Variants in CSRNP3 observed in about 807,000 individuals in gnomAD.
CSRNP3 encodes cysteine/serine-rich nuclear protein 3.
Under a neutral mutation model 48.0 loss-of-function variants are expected in CSRNP3, and 12 were observed. The observed-to-expected ratio is 0.25, with a 90% CI of 0.16 to 0.41. The LOEUF (loss-of-function observed/expected upper bound fraction) is 0.41. Among genes scored for constraint, CSRNP3 ranks in the 10% least tolerant of loss-of-function variants. CSRNP3 has a pLI of 1.00. For missense variants in CSRNP3, 580 were observed against 724.4 expected, an observed-to-expected ratio of 0.80 and a Z score of 2.29; for synonymous variants, 263 against 269.7, an observed-to-expected ratio of 0.98 and a Z score of 0.24.
At chr2:165,478,019 GAA>G in intron 1 of CSRNP3, among the ~76,000 whole-genome samples, 1 of 150,240 alleles carries the variant, frequency 6.7e-6, no homozygotes, top group East Asian at 2.0e-4. Flanking sequence ...AAGAAAGAAA[GAA>G]GAGAGAGAGG....
intron 2 of CSRNP3, among the ~76,000 whole-genome samples, chr2:165,516,407 A>G (rs1436055087): frequency 1.3e-5 from 2 of 152,168 alleles, no homozygotes; most frequent in Admixed American, 6.5e-5. Context: ...CAAGGTGACT[A>G]TAGTTAATGA....
intron 4 of CSRNP3, among the ~76,000 whole-genome samples, chr2:165,654,642 T>G (rs1188726514): frequency 6.6e-6 from 1 of 152,208 alleles, no homozygotes; most frequent in African/African-American, 2.4e-5. Flanking sequence ...ATTCTTTTTA[T>G]TTTTTGAGAT....
At chr2:165,543,677 A>G (rs1222278116) in intron 3 of CSRNP3, among the ~76,000 whole-genome samples, 1 of 152,128 alleles carries the variant, frequency 6.6e-6, no homozygotes, top group African/African-American at 2.4e-5. Flanking sequence ...TTTCATGGGC[A>G]CATACTAATA....
intron 3 of CSRNP3, among the ~76,000 whole-genome samples, chr2:165,576,807 GAATA>G (rs1254398318): frequency 6.6e-6 from 1 of 151,982 alleles, no homozygotes; most frequent in Admixed American, 6.6e-5. Flanking sequence ...AGAAGTAAAA[GAATA>G]AATAGAGTGA....
In CSRNP3 at chr2:165,542,965, C is replaced by A. The variant is rs149572201; in HGVS notation, c.-24+25004C>A. 3.9e-5 allele frequency among the ~76,000 whole-genome samples: 6 copies of A among 152,118 alleles called. No individual in the cohort carries two copies. The East Asian group carries it at 5.8e-4, about 15-fold the overall frequency. ...TGAGAATCTGTGGTTGCGTAAGTAG[C>A]AGTAGACTCTCATTCTCCTCTGAGA... On this transcript the variant is annotated intron_variant, in intron 3 of 6. Coordinates refer to ENST00000651982, the MANE Select transcript of CSRNP3 (RefSeq NM_001172173.2).
intron 1 of CSRNP3, among the ~76,000 whole-genome samples, chr2:165,493,174 G>A (rs148781640): frequency 3.3e-5 from 5 of 151,948 alleles, no homozygotes; most frequent in Non-Finnish European, 5.9e-5. Context: ...AGTGGCACAA[G>A]GAGGGTGGTC....
chr2:165,621,315 C>T (rs997467155), intron 4 of CSRNP3, among the ~76,000 whole-genome samples: 1 of 149,030 alleles, frequency 6.7e-6, no homozygotes, highest in African/African-American at 2.5e-5. Context: ...TTTGAAATAC[C>T]ACTGATGCCA....
intron 2 of CSRNP3, among the ~76,000 whole-genome samples, chr2:165,497,157 C>T (rs1020466277): frequency 6.6e-6 from 1 of 152,026 alleles, no homozygotes; most frequent in African/African-American, 2.4e-5. Flanking sequence ...CTCCACTCCA[C>T]CACCATTACT....
chr2:165,502,401 A>G (rs1684369752), intron 2 of CSRNP3, among the ~76,000 whole-genome samples: 1 of 151,976 alleles, frequency 6.6e-6, no homozygotes. Context: ...ATCTCTATAT[A>G]TTTTCACAAT....
chr2:165,515,668 A>G (rs1488174110), intron 2 of CSRNP3, among the ~76,000 whole-genome samples: 2 of 152,008 alleles, frequency 1.3e-5, no homozygotes, highest in Non-Finnish European at 2.9e-5. Context: ...AAGAAATTAC[A>G]TTTAATAAGG....
intron 3 of CSRNP3, among the ~76,000 whole-genome samples, chr2:165,584,484 T>C (rs569290713): frequency 6.6e-6 from 1 of 152,282 alleles, no homozygotes; most frequent in African/African-American, 2.4e-5. Flanking sequence ...TTATTTCCAT[T>C]ATGGGTGATG....
chr2:165,617,388 T>C (rs1008222364), intron 4 of CSRNP3, among the ~76,000 whole-genome samples: 7 of 152,242 alleles, frequency 4.6e-5, no homozygotes, highest in African/African-American at 1.4e-4. Context: ...GGGTGGGCAT[T>C]GTAGCCTAGT....
At position 165,682,545 on chromosome 2, in the gene CSRNP3, G is replaced by A. The variant is rs1291061497; in HGVS notation, c.*2792G>A. 6.6e-6 allele frequency: 1 copy of A among 152,068 alleles called. No individual in the cohort carries two copies. Among genetic ancestry groups the A allele is most frequent in the Admixed American group, 6.6e-5 (1 of 15,246 alleles). The allele number at this position is 152,068 out of a possible 1,614,324, so 9.4% of individuals were successfully genotyped here. A position where few individuals can be genotyped will look rare whatever the true frequency, so the allele number is the denominator to read the frequency against. On this transcript the variant is annotated 3_prime_UTR_variant, in exon 7 of 7. Transcript: ENST00000651982. ...TTGAGTTTTTCTAACCCCAGAATCT[G>A]GTTGGGCTTTATGATCTAAAAAAAT...
rs61740245 is a variant in CSRNP3 at position 165,687,931 on chromosome 2, A to T, written c.*8178A>T. On this transcript the variant is annotated 3_prime_UTR_variant, in exon 7 of 7. Transcript: ENST00000651982. ...TTCCTTTCTCCATGGGATTTTTTTC[A>T]ATCTTGGTACAGCTGCATATCTCCC... is the stretch of plus-strand genomic sequence containing the variant. 1.4e-4 allele frequency: 22 copies of T among 151,832 alleles called. 1 individual carries two copies. The highest frequency in any genetic ancestry group is 4.8e-4 in the African/African-American group (20 of 41,336). The allele number at this position is 151,832 out of a possible 1,614,324, so 9.4% of individuals were successfully genotyped here.
intron 4 of CSRNP3, among the ~76,000 whole-genome samples, chr2:165,614,772 T>C (rs1686202987): frequency 6.6e-6 from 1 of 152,208 alleles, no homozygotes; most frequent in African/African-American, 2.4e-5. Flanking sequence ...TTCATTCATT[T>C]CAATAACATT....
rs182598681 is a variant in CSRNP3 at position 165,658,129 on chromosome 2, C to T, written c.408+109C>T. ...GAAACAAACTGGGCACTTTACATAA[C>T]AGACTGCTTGCTGACATTTTTTTAA... On this transcript the variant is annotated intron_variant, in intron 5 of 6. Transcript: ENST00000651982. The T allele has an allele frequency of 2.5e-4, 305 of 1,227,972 alleles. No individual in the cohort carries two copies. The Admixed American group carries it at 7.5e-3, about 30-fold the overall frequency. 76.1% of individuals were successfully genotyped at this position (1,227,972 alleles called of 1,614,324 possible). A position where few individuals can be genotyped will look rare whatever the true frequency, so the allele number is the denominator to read the frequency against.
At chr2:165,569,203 T>G (rs892118365) in intron 3 of CSRNP3, among the ~76,000 whole-genome samples, 1 of 152,084 alleles carries the variant, frequency 6.6e-6, no homozygotes, top group Non-Finnish European at 1.5e-5. Context: ...TATTGACTTC[T>G]CTGAATGTGT....
chr2:165,496,270 C>T (rs1684282475), intron 2 of CSRNP3, among the ~76,000 whole-genome samples: 1 of 151,976 alleles, frequency 6.6e-6, no homozygotes, highest in Admixed American at 6.6e-5. Context: ...TATGATTCTC[C>T]AGTTACGTGG....
intron 1 of CSRNP3, among the ~76,000 whole-genome samples, chr2:165,482,177 G>A (rs983919943): frequency 2.0e-5 from 3 of 152,086 alleles, no homozygotes; most frequent in African/African-American, 7.2e-5. Context: ...ACTTGCTCAA[G>A]AGATCCTATT....
Sources: gnomAD v4.1 joint callset for allele counts (sites outside exome capture counted in the v4.1 genomes callset) on GRCh38, gnomAD v4.1.1 for gene constraint, MANE v1.5 for transcripts, NCBI Gene and HGNC (gene_info 2026-07-23, HGNC 2026-07-21) for gene names.